Variants in LSAMP observed in about 807,000 individuals in gnomAD.
The protein encoded by LSAMP is limbic system associated membrane protein.
In LSAMP, 7 loss-of-function variants were observed where a neutral mutation model predicts 38.6. The ratio of observed to expected loss-of-function variants is 0.18; its 90% confidence interval spans 0.10 to 0.34. The LOEUF is 0.34. Ranked by LOEUF, LSAMP falls within the 10% of genes least tolerant of loss-of-function variation. The pLI is 1.00. For missense variants in LSAMP, 313 were observed against 420.0 expected, an observed-to-expected ratio of 0.75 and a Z score of 2.23; for synonymous variants, 154 against 166.8, an observed-to-expected ratio of 0.92 and a Z score of 0.59.
intron 3 of LSAMP, among the ~76,000 whole-genome samples, chr3:115,854,207 T>C (rs1201420848): frequency 6.6e-6 from 1 of 151,004 alleles, no homozygotes; most frequent in Non-Finnish European, 1.5e-5. Flanking sequence ...AGCACATGCT[T>C]CTACTGAGAA....
intron 1 of LSAMP, among the ~76,000 whole-genome samples, chr3:116,266,931 T>G (rs1327867016): frequency 1.3e-5 from 2 of 152,112 alleles, no homozygotes; most frequent in Non-Finnish European, 2.9e-5. Context: ...TACTGGAGTG[T>G]TCCTTTTCTG....
rs1933678938 is a variant in LSAMP, at chr3:115,808,119, TCC to T, written c.*2196_*2197del. On this transcript the variant is annotated 3_prime_UTR_variant, in exon 7 of 7. Coordinates refer to ENST00000490035, the MANE Select transcript of LSAMP (RefSeq NM_002338.5). ...CTTCCTTCCTTCCTTCCTCCCTCCC[TCC>T]CTCCCTCCCTCCCTCCCTCCCTCCC... The T allele has an allele frequency of 2.2e-5, 1 of 45,066 alleles. No individual in the cohort carries two copies. The highest frequency in any genetic ancestry group is 9.8e-5 in the African/African-American group (1 of 10,186). 2.8% of individuals were successfully genotyped at this position (45,066 alleles called of 1,614,324 possible).
At chr3:116,257,190 C>G (rs1009088198) in intron 1 of LSAMP, among the ~76,000 whole-genome samples, 1 of 152,054 alleles carries the variant, frequency 6.6e-6, no homozygotes, top group Non-Finnish European at 1.5e-5. Flanking sequence ...GGGACCCAAG[C>G]GTTATAGTTA....
At chr3:116,131,092 G>A (rs1313245435) in intron 1 of LSAMP, among the ~76,000 whole-genome samples, 3 of 148,062 alleles carry the variant, frequency 2.0e-5, no homozygotes, top group Admixed American at 6.9e-5. Context: ...CCAGGTTCAC[G>A]CCATTCTCCT....
chr3:115,910,452 T>C (rs935619683), intron 3 of LSAMP, among the ~76,000 whole-genome samples: 11 of 152,190 alleles, frequency 7.2e-5, no homozygotes, highest in African/African-American at 2.7e-4. Context: ...CCCCATTTGA[T>C]TTTTTAATTA....
Position 116,444,983 on chromosome 3 carries a change from G to C in LSAMP, c.49C>G (p.Leu17Val). Residue 17 changes from leucine to valine, a missense_variant, in exon 1 of 7, where the codon CTG becomes GTG. Transcript: ENST00000490035. ...GTGGGAAGAAGGCAGAGCAATCTCA[G>C]TAGGACCAGTGGCAACTGTTTCCGA... ...PDRKQLPLVL[L>V]RLLCLLPTGL... 6.2e-7 allele frequency: 1 copy of C among 1,614,102 alleles called. No homozygotes were observed. The highest frequency in any genetic ancestry group is 8.5e-7 in the Non-Finnish European group (1 of 1,180,036).
At chr3:115,892,833 TTA>T (rs1267970006) in intron 3 of LSAMP, among the ~76,000 whole-genome samples, 1 of 148,764 alleles carries the variant, frequency 6.7e-6, no homozygotes, top group African/African-American at 2.4e-5. Context: ...ATCAATTATA[TTA>T]TATATATAAT....
intron 1 of LSAMP, among the ~76,000 whole-genome samples, chr3:116,403,262 C>T (rs1025284364): frequency 6.6e-6 from 1 of 152,122 alleles, no homozygotes; most frequent in Non-Finnish European, 1.5e-5. Flanking sequence ...TTCTACGTGG[C>T]ATTTGCTTGA....
intron 3 of LSAMP, among the ~76,000 whole-genome samples, chr3:115,881,048 A>ATAAATAAATAAATAAC (rs1936309183): frequency 6.6e-6 from 1 of 151,362 alleles, no homozygotes; most frequent in South Asian, 2.1e-4. Flanking sequence ...AAATAAATAA[A>ATAAATAAATAAATAAC]TAAATAAATA....
At chr3:116,161,376 T>A (rs1387781459) in intron 1 of LSAMP, among the ~76,000 whole-genome samples, 1 of 152,180 alleles carries the variant, frequency 6.6e-6, no homozygotes, top group Non-Finnish European at 1.5e-5. Context: ...AGTCTGTAAA[T>A]AGCGAGTAAT....
intron 1 of LSAMP, among the ~76,000 whole-genome samples, chr3:116,336,744 A>G (rs1232233741): frequency 3.3e-5 from 5 of 151,946 alleles, no homozygotes; most frequent in African/African-American, 1.2e-4. Flanking sequence ...ATGCCTCGAA[A>G]TATTAAAAAT....
chr3:116,244,401 C>A (rs2046578241), intron 1 of LSAMP, among the ~76,000 whole-genome samples: 1 of 152,226 alleles, frequency 6.6e-6, no homozygotes, highest in African/African-American at 2.4e-5. Context: ...ATCAGGCAAA[C>A]CCATGTCCTC....
intron 3 of LSAMP, among the ~76,000 whole-genome samples, chr3:115,976,192 G>A (rs1939183807): frequency 6.6e-6 from 1 of 152,088 alleles, no homozygotes; most frequent in Admixed American, 6.6e-5. Context: ...ATTTTCAGTG[G>A]AGTATCACTG....
intron 3 of LSAMP, among the ~76,000 whole-genome samples, chr3:115,872,135 A>T (rs1377567151): frequency 6.6e-6 from 1 of 152,122 alleles, no homozygotes; most frequent in East Asian, 1.9e-4. Context: ...AAATGAGTGA[A>T]TTAGTATTAA....
At chr3:116,028,922 C>T (rs1940855322) in intron 2 of LSAMP, among the ~76,000 whole-genome samples, 1 of 151,958 alleles carries the variant, frequency 6.6e-6, no homozygotes, top group African/African-American at 2.4e-5. Flanking sequence ...GTATGTTGAG[C>T]CATTTAATAG....
chr3:116,200,369 T>A (rs894868561), intron 1 of LSAMP, among the ~76,000 whole-genome samples: 1 of 152,200 alleles, frequency 6.6e-6, no homozygotes, highest in Non-Finnish European at 1.5e-5. Context: ...TCCCTAAGTA[T>A]AGAAATGTGG....
intron 1 of LSAMP, among the ~76,000 whole-genome samples, chr3:116,311,673 TA>T (rs1255163050): frequency 6.6e-6 from 1 of 152,170 alleles, no homozygotes; most frequent in Admixed American, 6.5e-5. Flanking sequence ...GAGGAAATTA[TA>T]AAACTTTTGA....
At position 115,965,159 on chromosome 3, in the gene LSAMP, G is replaced by T. The variant is rs4831213; in HGVS notation, c.514+54356C>A. Among the ~76,000 whole-genome samples, 58 of 151,750 alleles carry T rather than the reference G, an allele frequency of 3.8e-4. 1 individual carries two copies. In the Middle Eastern group the frequency reaches 0.011, roughly 28 times the overall value. On this transcript the variant is annotated intron_variant, in intron 3 of 6. Transcript: ENST00000490035. ...ATAAATATTAGGCAAGTATATATTT[G>T]ATATATACAAAGAAAGTATAAATAG...
chr3:116,015,748 A>G (rs1940461485), intron 3 of LSAMP, among the ~76,000 whole-genome samples: 1 of 145,064 alleles, frequency 6.9e-6, no homozygotes, highest in Non-Finnish European at 1.5e-5. Context: ...AAAGAAACAA[A>G]CTGGCCTTAC....
Sources: gnomAD v4.1 joint callset for allele counts (sites outside exome capture counted in the v4.1 genomes callset) on GRCh38, gnomAD v4.1.1 for gene constraint, MANE v1.5 for transcripts, NCBI Gene and HGNC (gene_info 2026-07-23, HGNC 2026-07-21) for gene names.